Variants in UBE2N observed in about 807,000 individuals in gnomAD.
The protein encoded by UBE2N is ubiquitin conjugating enzyme E2 N.
For synonymous variants in UBE2N, 70 were observed against 69.2 expected (o/e 1.01, Z -0.06); for missense variants, 60 against 192.1 (o/e 0.31, Z 4.07).
chr12:93,427,668 G>A (rs1191328657), intron 1 of UBE2N, among the ~76,000 whole-genome samples: 1 of 152,162 alleles, frequency 6.6e-6, no homozygotes, highest in Non-Finnish European at 1.5e-5. Context: ...ATTAGCAAGT[G>A]ATGATGTTGT....
At chr12:93,428,804 C>T (rs973672705) in intron 1 of UBE2N, among the ~76,000 whole-genome samples, 1 of 152,164 alleles carries the variant, frequency 6.6e-6, no homozygotes, top group Non-Finnish European at 1.5e-5. Flanking sequence ...GCATCCTTGC[C>T]AATACATCAG....
rs867663151 is a variant in UBE2N at position 93,441,624 on chromosome 12, G to A, written c.30+231C>T. Among the ~76,000 whole-genome samples the A allele has an allele frequency of 7.9e-5, 12 of 152,048 alleles. No individual in the cohort carries two copies. In the East Asian group the frequency reaches 1.8e-3, roughly 22 times the overall value. ...GCACTCCCTGGCCCGCCGGGCAGCCGCCTGGAAGCCCCGGGTCCCCGCTGT... is the reference window on the plus strand; with the variant it reads ...GCACTCCCTGGCCCGCCGGGCAGCCACCTGGAAGCCCCGGGTCCCCGCTGT... On this transcript the variant is annotated intron_variant, in intron 1 of 3. Transcript: ENST00000318066.
intron 1 of UBE2N, among the ~76,000 whole-genome samples, chr12:93,421,438 G>A (rs752468258): frequency 1.3e-5 from 2 of 152,024 alleles, no homozygotes; most frequent in African/African-American, 4.8e-5. Flanking sequence ...TCCTGACCTC[G>A]TGATCTGCCG....
At chr12:93,423,738 T>TTTA (rs1878488609) in intron 1 of UBE2N, among the ~76,000 whole-genome samples, 1 of 152,212 alleles carries the variant, frequency 6.6e-6, no homozygotes, top group African/African-American at 2.4e-5. Flanking sequence ...GTCTGAATAC[T>TTTA]TTATTATTAT....
chr12:93,422,866 C>A (rs1878459625), intron 1 of UBE2N, among the ~76,000 whole-genome samples: 1 of 151,938 alleles, frequency 6.6e-6, no homozygotes, highest in Non-Finnish European at 1.5e-5. Context: ...TCCTTTAGCT[C>A]CCACTCTTTA....
chr12:93,441,750 C>T (rs1014133689), intron 1 of UBE2N, 105 bp downstream of exon 1: 3 of 1,481,748 alleles, frequency 2.0e-6, no homozygotes, highest in Non-Finnish European at 2.7e-6. Flanking sequence ...CGCCTCGGGC[C>T]TCCCAGAGCG....
chr12:93,412,815 T>C (rs999337962), intron 1 of UBE2N, among the ~76,000 whole-genome samples: 4 of 152,258 alleles, frequency 2.6e-5, no homozygotes, highest in Non-Finnish European at 5.9e-5. Flanking sequence ...GAACAGGCTA[T>C]GACCTAATGC....
intron 1 of UBE2N, among the ~76,000 whole-genome samples, chr12:93,433,311 G>C (rs1482471533): frequency 1.3e-5 from 2 of 152,094 alleles, no homozygotes; most frequent in Non-Finnish European, 2.9e-5. Flanking sequence ...AAGTATTTCT[G>C]TTGATTCTGA....
At chr12:93,431,926 C>T (rs1439300322) in intron 1 of UBE2N, among the ~76,000 whole-genome samples, 1 of 152,116 alleles carries the variant, frequency 6.6e-6, no homozygotes, top group Non-Finnish European at 1.5e-5. Flanking sequence ...CAAACTCTTA[C>T]TCTTCAAGTT....
At chr12:93,413,398 A>C (rs1181875782) in intron 1 of UBE2N, among the ~76,000 whole-genome samples, 1 of 152,148 alleles carries the variant, frequency 6.6e-6, no homozygotes, top group East Asian at 1.9e-4. Context: ...GATCTCATGT[A>C]ATGCAATGAA....
chr12:93,441,510 G>T (rs576693100), intron 1 of UBE2N, among the ~76,000 whole-genome samples: 4 of 122,210 alleles, frequency 3.3e-5, no homozygotes, highest in East Asian at 3.9e-4. Flanking sequence ...GCCTCCGGCG[G>T]GGGGGTGGTC....
rs577869811 is a variant in UBE2N at position 93,428,345 on chromosome 12, TAC to T, written c.30+13508_30+13509del. 5.8e-4 allele frequency among the ~76,000 whole-genome samples: 88 copies of T among 152,346 alleles called. 1 individual carries two copies. The South Asian group carries it at 9.7e-3, about 17-fold the overall frequency. Reference sequence around the variant, plus strand: ...CAAGCATAGACATGCTGACTCAAGTTACACAGTCTTAGTTCAAATATCTCCTG... The same window carrying T: ...CAAGCATAGACATGCTGACTCAAGTTACAGTCTTAGTTCAAATATCTCCTG... On this transcript the variant is annotated intron_variant, in intron 1 of 3. Coordinates refer to ENST00000318066, the MANE Select transcript of UBE2N (RefSeq NM_003348.4).
chr12:93,433,226 C>A (rs1878823987), intron 1 of UBE2N, among the ~76,000 whole-genome samples: 1 of 152,022 alleles, frequency 6.6e-6, no homozygotes, highest in Admixed American at 6.6e-5. Flanking sequence ...AGCCACCGCG[C>A]CTGGCCAGGA....
chr12:93,414,207 T>C (rs1054868229), intron 1 of UBE2N, among the ~76,000 whole-genome samples: 9 of 151,184 alleles, frequency 6.0e-5, no homozygotes, highest in African/African-American at 2.2e-4. Flanking sequence ...CCCAGCATTT[T>C]GGGAGGCCGA....
intron 1 of UBE2N, among the ~76,000 whole-genome samples, chr12:93,438,749 G>A (rs758154624): frequency 4.6e-5 from 7 of 152,060 alleles, no homozygotes; most frequent in Non-Finnish European, 1.0e-4. Flanking sequence ...TTGAAAGACA[G>A]GGGGGAAAGT....
rs1877837094 is a variant in UBE2N, at chr12:93,406,690, T to TA, written c.*3348dup. 6.6e-6 allele frequency: 1 copy of TA among 152,232 alleles called. No homozygotes were observed. The highest frequency in any genetic ancestry group is 1.5e-5 in the Non-Finnish European group (1 of 68,028). 9.4% of individuals were successfully genotyped at this position (152,232 alleles called of 1,614,324 possible). ...ATAGTGTAACTATTTACATAGCACT[T>TA]ACATTATAATAGGTATTATAAGTAA... On this transcript the variant is annotated 3_prime_UTR_variant, in exon 4 of 4. Transcript: ENST00000318066.
rs185247644 is a variant in UBE2N, at chr12:93,426,691, G to A, written c.30+15164C>T. Among the ~76,000 whole-genome samples the A allele has an allele frequency of 5.9e-5, 9 of 152,274 alleles. No individual in the cohort carries two copies. In the East Asian group the frequency reaches 1.7e-3, roughly 29 times the overall value. ...GTTTTCTAAAAAATCTCTGCCTTAG[G>A]AAACTAGTAAGTCAGATATAAAGTC... On this transcript the variant is annotated intron_variant, in intron 1 of 3. Transcript: ENST00000318066.
At chr12:93,419,058 C>A (rs2121069363) in intron 1 of UBE2N, among the ~76,000 whole-genome samples, 1 of 152,192 alleles carries the variant, frequency 6.6e-6, no homozygotes, top group Admixed American at 6.5e-5. Context: ...AAATTTTGTA[C>A]AGAAACTTTA....
rs567350106 is a variant in UBE2N at position 93,405,802 on chromosome 12, T to C, written c.*4237A>G. The C allele has an allele frequency of 6.6e-6, 1 of 152,330 alleles. No individual in the cohort carries two copies. Among genetic ancestry groups the C allele is most frequent in the Admixed American group, 6.5e-5 (1 of 15,294 alleles). 9.4% of individuals were successfully genotyped at this position (152,330 alleles called of 1,614,324 possible). On this transcript the variant is annotated 3_prime_UTR_variant, in exon 4 of 4. Coordinates refer to ENST00000318066, the MANE Select transcript of UBE2N (RefSeq NM_003348.4). ...CCCTCATATAATTCCCTAAGATGGGTGGCATGCCAAGTAGCTAAATGAAAT... is the reference window on the plus strand; with the variant it reads ...CCCTCATATAATTCCCTAAGATGGGCGGCATGCCAAGTAGCTAAATGAAAT...
Sources: allele counts gnomAD v4.1 joint callset (sites outside exome capture counted in the v4.1 genomes callset), GRCh38; gene constraint gnomAD v4.1.1; transcripts MANE v1.5; gene names NCBI Gene and HGNC (gene_info 2026-07-23, HGNC 2026-07-21).